SNX25: variants seen among roughly 807,000 people sequenced by gnomAD.
The protein encoded by SNX25 is sorting nexin-25.
A neutral mutation model predicts 113.7 loss-of-function variants in SNX25; 62 were observed. The observed-to-expected ratio is 0.55, with a 90% confidence interval of 0.44 to 0.67. The LOEUF is 0.67. Ranked by LOEUF, SNX25 falls within the 30% of genes least tolerant of loss-of-function variation. The pLI is 0.00. For missense variants in SNX25, 1,014 were observed against 1,161.0 expected, an observed-to-expected ratio of 0.87 and a Z score of 1.84; for synonymous variants, 421 against 436.2, an observed-to-expected ratio of 0.97 and a Z score of 0.43.
chr4:185,373,290 T>C (rs1449664444), downstream of SNX25, among the ~76,000 whole-genome samples: 1 of 152,132 alleles, frequency 6.6e-6, no homozygotes, highest in Non-Finnish European at 1.5e-5. Context: ...ACAGTGCAGG[T>C]GAGATCACAG....
At chr4:185,240,940 T>C (rs57779969) in intron 1 of SNX25, among the ~76,000 whole-genome samples, 55,462 of 145,044 alleles carry the variant, frequency 0.38, 11,482 homozygotes, top group East Asian at 0.54. Flanking sequence ...CAGAGATGCT[T>C]CTCACTTCCT....
rs890047273 is a variant in SNX25, at chr4:185,276,759, C to T, written c.1091+9604C>T. 8.5e-5 allele frequency among the ~76,000 whole-genome samples: 13 copies of T among 152,200 alleles called. 1 individual carries two copies. Among genetic ancestry groups the T allele is most frequent in the Non-Finnish European group, 1.2e-4 (8 of 68,038 alleles). On this transcript the variant is annotated intron_variant, in intron 5 of 18. Coordinates refer to ENST00000652585, the MANE Select transcript of SNX25 (RefSeq NM_001378034.2). ...CTGGACCAGAATAAGCCTCCTTGAC[C>T]ATGCTTTCCCCGCCGCCCTGTCTCC...
intron 3 of SNX25, among the ~76,000 whole-genome samples, chr4:185,261,406 A>G (rs1412613337): frequency 1.3e-5 from 2 of 151,974 alleles, no homozygotes; most frequent in East Asian, 3.9e-4. Flanking sequence ...CGAACTCCTG[A>G]CCTCAAGTGA....
At chr4:185,338,272 CTG>C (rs200021886) in intron 10 of SNX25, among the ~76,000 whole-genome samples, 5 of 144,992 alleles carry the variant, frequency 3.4e-5, no homozygotes, top group African/African-American at 8.0e-5. Context: ...CCTCTATATT[CTG>C]TGTGTTTTTT....
chr4:185,298,734 A>G (rs898780765), intron 6 of SNX25, among the ~76,000 whole-genome samples: 1 of 152,044 alleles, frequency 6.6e-6, no homozygotes. Flanking sequence ...CTTCTTCTTG[A>G]AGTGCTACCC....
intron 14 of SNX25, 66 bp from the exon 15 acceptor site, chr4:185,353,419 G>A (rs1214394243): frequency 7.3e-6 from 9 of 1,230,832 alleles, no homozygotes; most frequent in Non-Finnish European, 9.5e-6. Flanking sequence ...ACTTGAAGAG[G>A]GAGAACAACT....
chr4:185,302,049 G>T (rs569563640), intron 6 of SNX25, among the ~76,000 whole-genome samples: 2 of 149,910 alleles, frequency 1.3e-5, no homozygotes, highest in Non-Finnish European at 3.0e-5. Flanking sequence ...ACAGGTGCCC[G>T]TCACCACATG....
rs775141812 is a variant in SNX25, at chr4:185,310,769, C to A, written c.1297C>A (p.Gln433Lys). The change falls in exon 7 of 19, where the codon CAA becomes AAA. Residue 433 changes from glutamine to lysine, a missense_variant. Coordinates refer to ENST00000652585, the MANE Select transcript of SNX25 (RefSeq NM_001378034.2). ...CCTGGGAGGCCCTGCCTATGACCAGCAAGAGGATGGGGCCCTGGATGAGGG... is the reference window on the plus strand; with the variant it reads ...CCTGGGAGGCCCTGCCTATGACCAGAAAGAGGATGGGGCCCTGGATGAGGG... Reference protein sequence around the residue: ...RILGGPAYDQQEDGALDEGEG... With the variant: ...RILGGPAYDQKEDGALDEGEG... The A allele has an allele frequency of 1.2e-5, 19 of 1,613,432 alleles. No individual in the cohort carries two copies. Among genetic ancestry groups the A allele is most frequent in the Non-Finnish European group, 1.5e-5 (18 of 1,179,752 alleles).
At chr4:185,268,370 T>A (rs538365511) in intron 5 of SNX25, among the ~76,000 whole-genome samples, 4 of 152,206 alleles carry the variant, frequency 2.6e-5, no homozygotes, top group Non-Finnish European at 5.9e-5. Flanking sequence ...GGGAGCACAG[T>A]GTCCCTTGTT....
intron 12 of SNX25, among the ~76,000 whole-genome samples, chr4:185,346,230 T>C (rs577140002): frequency 7.2e-5 from 11 of 152,354 alleles, no homozygotes; most frequent in African/African-American, 2.4e-4. Flanking sequence ...AAAAACTTTC[T>C]GTGAGCCAGG....
At position 185,239,469 on chromosome 4, in the gene SNX25, G is replaced by C. The variant is rs554578085; in HGVS notation, c.430-7825G>C. 4.8e-4 allele frequency among the ~76,000 whole-genome samples: 73 copies of C among 151,868 alleles called. No homozygotes were observed. In the East Asian group the frequency reaches 0.012, roughly 25 times the overall value. The stretch of plus-strand genomic sequence containing the variant: ...CTGCACTCCAGCCTGGCAACAGAGT[G>C]AGACTCCGTCTCAAAAAGAAAAAAA... On this transcript the variant is annotated intron_variant, in intron 1 of 18. Coordinates refer to ENST00000652585, the MANE Select transcript of SNX25 (RefSeq NM_001378034.2).
rs528616025 is a variant in SNX25 at position 185,213,038 on chromosome 4, A to G, written c.429+2783A>G. Among the ~76,000 whole-genome samples the G allele has an allele frequency of 6.6e-5, 10 of 152,322 alleles. No homozygotes were observed. In the East Asian group the frequency reaches 1.9e-3, roughly 29 times the overall value. ...AAACATAGGCAACTAGAGAAACCTC[A>G]CTGAAAAGGGAAAGGGTGTTTTTAT... On this transcript the variant is annotated intron_variant, in intron 1 of 18. Coordinates refer to ENST00000652585, the MANE Select transcript of SNX25 (RefSeq NM_001378034.2).
chr4:185,311,902 GT>G (rs2095034086), intron 7 of SNX25, among the ~76,000 whole-genome samples: 1 of 152,146 alleles, frequency 6.6e-6, no homozygotes, highest in South Asian at 2.1e-4. Flanking sequence ...AGGAACTCTT[GT>G]TTTTATAATC....
chr4:185,228,954 T>A (rs549761503), intron 1 of SNX25, among the ~76,000 whole-genome samples: 2 of 152,292 alleles, frequency 1.3e-5, no homozygotes, highest in Non-Finnish European at 2.9e-5. Flanking sequence ...GTGCCAGGCT[T>A]TCTTTGACAG....
In SNX25 at chr4:185,332,713, G is replaced by T; in HGVS notation, c.1868G>T (p.Arg623Met). 6.2e-7 allele frequency: 1 copy of T among 1,613,884 alleles called. No homozygotes were observed. Residue 623 changes from arginine to methionine, a missense_variant, in exon 10 of 19, where the codon AGG becomes ATG. Transcript: ENST00000652585. ...RELNEKLEYK[R>M]QALNSIQNAP... ...CTAAATGAGAAACTTGAATATAAAA[G>T]GCAAGCTCTAAATTCTATTCAAAAT...
chr4:185,330,964 G>T (rs765438566), intron 9 of SNX25, among the ~76,000 whole-genome samples: 35 of 152,136 alleles, frequency 2.3e-4, no homozygotes, highest in Non-Finnish European at 3.1e-4. Flanking sequence ...CGTAAAAGAG[G>T]TTATTCAAAT....
At chr4:185,291,632 T>C (rs934633881) in intron 6 of SNX25, among the ~76,000 whole-genome samples, 4 of 152,220 alleles carry the variant, frequency 2.6e-5, no homozygotes, top group African/African-American at 9.7e-5. Flanking sequence ...GCCTCTTCCA[T>C]GTCTGTGCCT....
In SNX25 at chr4:185,353,614, T is replaced by C; in HGVS notation, c.2584+12T>C. 1.3e-6 allele frequency: 2 copies of C among 1,598,292 alleles called. No homozygotes were observed. Among genetic ancestry groups the C allele is most frequent in the Non-Finnish European group, 1.7e-6 (2 of 1,165,552 alleles). ...TGAACTTCGAGGAAGTAAGCTTCTT[T>C]GTTATTATTTAGTGGTATTTGCTAG... On this transcript the variant is annotated intron_variant, in intron 15 of 18. Transcript: ENST00000652585.
chr4:185,367,243 A>G (rs771768177), downstream of SNX25: 6 of 1,611,746 alleles, frequency 3.7e-6, no homozygotes, highest in Admixed American at 3.3e-5. Context: ...TCAGACGACA[A>G]GCCTTAAAAT....
Sources: allele counts gnomAD v4.1 joint callset (sites outside exome capture counted in the v4.1 genomes callset), GRCh38; gene constraint gnomAD v4.1.1; transcripts MANE v1.5; gene names NCBI Gene and HGNC (gene_info 2026-07-23, HGNC 2026-07-21).